KCNQ5: variants seen among roughly 807,000 people sequenced by gnomAD.
KCNQ5 encodes the protein potassium voltage-gated channel subfamily Q member 5.
A neutral mutation model predicts 98.2 loss-of-function variants in KCNQ5; 30 were observed. The observed-to-expected ratio is 0.31, with a 90% CI of 0.23 to 0.41. The LOEUF (loss-of-function observed/expected upper bound fraction) is 0.41. KCNQ5 is among the 10% of genes least tolerant of loss of function. The pLI, the probability that KCNQ5 is intolerant of heterozygous loss-of-function variation, is 1.00. For missense variants in KCNQ5, 835 were observed against 1,182.5 expected, an observed-to-expected ratio of 0.71 and a Z score of 4.31; for synonymous variants, 458 against 449.4, an observed-to-expected ratio of 1.02 and a Z score of -0.24.
intron 1 of KCNQ5, among the ~76,000 whole-genome samples, chr6:72,945,736 T>C (rs1300313377): frequency 6.6e-6 from 1 of 152,128 alleles, no homozygotes; most frequent in East Asian, 1.9e-4. Flanking sequence ...ATTACAGGCA[T>C]GAGCCACTGC....
At chr6:72,759,646 C>T (rs1417403738) in intron 1 of KCNQ5, among the ~76,000 whole-genome samples, 2 of 152,048 alleles carry the variant, frequency 1.3e-5, no homozygotes, top group African/African-American at 4.8e-5. Flanking sequence ...TCTCAAAATA[C>T]CATGATTTGG....
chr6:72,867,399 A>G (rs1178636485), intron 1 of KCNQ5, among the ~76,000 whole-genome samples: 1 of 152,222 alleles, frequency 6.6e-6, no homozygotes, highest in African/African-American at 2.4e-5. Context: ...TAAAAGAAAC[A>G]CAGAATGTTG....
chr6:72,756,947 A>G (rs1289565060), intron 1 of KCNQ5, among the ~76,000 whole-genome samples: 1 of 152,100 alleles, frequency 6.6e-6, no homozygotes, highest in Non-Finnish European at 1.5e-5. Context: ...GATTCTCTAC[A>G]AATTCTTAAG....
chr6:72,787,342 T>C (rs918707235), intron 1 of KCNQ5, among the ~76,000 whole-genome samples: 2 of 152,168 alleles, frequency 1.3e-5, no homozygotes, highest in African/African-American at 4.8e-5. Context: ...AATAGCAAAG[T>C]TGAATAGTTA....
Position 73,196,288 on chromosome 6 carries a change from G to A in KCNQ5, c.*874G>A, listed in dbSNP as rs996416808. Reference sequence around the variant, plus strand: ...CCAATACTGCCTATGTAAAGGGCAAGTGTGAGAAGCTATTCTCATTTCGCT... The same window carrying A: ...CCAATACTGCCTATGTAAAGGGCAAATGTGAGAAGCTATTCTCATTTCGCT... On this transcript the variant is annotated 3_prime_UTR_variant, in exon 14 of 14. Transcript: ENST00000370398. 1.3e-5 allele frequency: 2 copies of A among 152,248 alleles called. No homozygotes were observed. Among genetic ancestry groups the A allele is most frequent in the Non-Finnish European group, 2.9e-5 (2 of 68,066 alleles). The allele number at this position is 152,248 out of a possible 1,614,324, so 9.4% of individuals were successfully genotyped here. A position where few individuals can be genotyped will look rare whatever the true frequency, so the allele number is the denominator to read the frequency against.
At chr6:72,690,073 G>A (rs1272447934) in intron 1 of KCNQ5, among the ~76,000 whole-genome samples, 1 of 152,012 alleles carries the variant, frequency 6.6e-6, no homozygotes, top group East Asian at 1.9e-4. Flanking sequence ...AGGAGTTGGA[G>A]ACCAGCCTGG....
intron 1 of KCNQ5, among the ~76,000 whole-genome samples, chr6:72,800,508 TTC>T (rs1233166660): frequency 6.6e-6 from 1 of 152,230 alleles, no homozygotes; most frequent in Non-Finnish European, 1.5e-5. Context: ...TATTTGATTC[TTC>T]TCTCTTTTCT....
At chr6:73,192,899 A>G (rs75178700) in intron 13 of KCNQ5, among the ~76,000 whole-genome samples, 5,444 of 152,268 alleles carry the variant, frequency 0.036, 202 homozygotes, top group East Asian at 0.18. Context: ...CATCTCATCA[A>G]TTAATAGTTA....
chr6:72,828,156 G>C (rs764772116), intron 1 of KCNQ5, among the ~76,000 whole-genome samples: 4 of 152,100 alleles, frequency 2.6e-5, no homozygotes, highest in Non-Finnish European at 5.9e-5. Context: ...TTGAGGACTG[G>C]TAGTGTGGTA....
chr6:72,833,684 TG>T (rs1307863710), intron 1 of KCNQ5, among the ~76,000 whole-genome samples: 1 of 152,128 alleles, frequency 6.6e-6, no homozygotes, highest in Non-Finnish European at 1.5e-5. Context: ...ATTTCTAAAA[TG>T]TTTTCACTGG....
intron 5 of KCNQ5, among the ~76,000 whole-genome samples, chr6:73,084,738 C>G (rs1389516303): frequency 6.6e-6 from 1 of 152,194 alleles, no homozygotes; most frequent in Non-Finnish European, 1.5e-5. Flanking sequence ...TGCTGCTATT[C>G]CAGAATCTCC....
chr6:72,805,357 G>A (rs1170671459), intron 1 of KCNQ5, among the ~76,000 whole-genome samples: 1 of 152,096 alleles, frequency 6.6e-6, no homozygotes, highest in Admixed American at 6.6e-5. Flanking sequence ...GCAGGAGACA[G>A]GGGTCTATTT....
At chr6:72,876,629 GTTAAAA>G (rs1778418710) in intron 1 of KCNQ5, among the ~76,000 whole-genome samples, 1 of 152,050 alleles carries the variant, frequency 6.6e-6, no homozygotes, top group South Asian at 2.1e-4. Context: ...GATAGCACAA[GTTAAAA>G]TTAACAAAAA....
chr6:73,142,997 C>A (rs977639618), intron 10 of KCNQ5, among the ~76,000 whole-genome samples: 1 of 152,192 alleles, frequency 6.6e-6, no homozygotes, highest in Non-Finnish European at 1.5e-5. Flanking sequence ...ACTTCTAACG[C>A]AGCTCTCTTT....
At position 72,915,083 on chromosome 6, in the gene KCNQ5, A is replaced by G. The variant is rs932403978; in HGVS notation, c.399-88825A>G. ...GAACTGTTAATTTAAAAAAAGATAA[A>G]CAGATTGAAGTTATTTAGTCAAGAG... On this transcript the variant is annotated intron_variant, in intron 1 of 13. Transcript: ENST00000370398. Among the ~76,000 whole-genome samples, 11 of 152,290 alleles carry G rather than the reference A, an allele frequency of 7.2e-5. No homozygotes were observed. In the Middle Eastern group the frequency reaches 0.01, roughly 141 times the overall value.
At chr6:72,761,621 T>C (rs1772282610) in intron 1 of KCNQ5, among the ~76,000 whole-genome samples, 1 of 151,880 alleles carries the variant, frequency 6.6e-6, no homozygotes, top group Non-Finnish European at 1.5e-5. Flanking sequence ...TCTATAATTA[T>C]GAAATAATAT....
At chr6:73,024,759 A>G (rs1041095553) in intron 2 of KCNQ5, among the ~76,000 whole-genome samples, 2 of 152,208 alleles carry the variant, frequency 1.3e-5, no homozygotes, top group Non-Finnish European at 2.9e-5. Context: ...ATTCAAGGAG[A>G]TTCACTTTCC....
At chr6:72,988,649 C>CTTTTTTTTTTTTTTTTTT (rs71540364) in intron 1 of KCNQ5, among the ~76,000 whole-genome samples, 2 of 127,872 alleles carry the variant, frequency 1.6e-5, no homozygotes, top group Non-Finnish European at 1.6e-5. Flanking sequence ...GCATGATTTT[C>CTTTTTTTTTTTTTTTTTT]TTTTTTTTTT....
chr6:72,736,741 C>T (rs2154475987), intron 1 of KCNQ5, among the ~76,000 whole-genome samples: 1 of 151,482 alleles, frequency 6.6e-6, no homozygotes, highest in African/African-American at 2.4e-5. Context: ...CCTCGTGATC[C>T]GCCCGCCTCG....
Sources: gnomAD v4.1 joint callset for allele counts (sites outside exome capture counted in the v4.1 genomes callset) on GRCh38, gnomAD v4.1.1 for gene constraint, MANE v1.5 for transcripts, NCBI Gene and HGNC (gene_info 2026-07-23, HGNC 2026-07-21) for gene names.